The following BRINP1 variants were observed in gnomAD, a reference collection of about 807,000 sequenced individuals.
The protein encoded by BRINP1 is BMP/retinoic acid-inducible neural-specific protein 1.
BRINP1 carries 17 observed loss-of-function variants against 72.9 expected under a neutral mutation model. The observed-to-expected ratio is 0.23, with a 90% CI of 0.16 to 0.35. BRINP1 has a LOEUF of 0.35. Ranked by LOEUF, BRINP1 falls within the 10% of genes least tolerant of loss-of-function variation. The probability of loss-of-function intolerance (pLI) is 1.00; values close to 1 mark genes in which losing one functional copy is unlikely to be tolerated. For synonymous variants in BRINP1, 418 were observed against 378.5 expected, an observed-to-expected ratio of 1.10 and a Z score of -1.21; for missense variants, 850 against 1,001.6, an observed-to-expected ratio of 0.85 and a Z score of 2.04.
intron 5 of BRINP1, among the ~76,000 whole-genome samples, chr9:119,229,918 C>CAG (rs751730015): frequency 1.3e-5 from 2 of 151,828 alleles, no homozygotes; most frequent in Admixed American, 6.6e-5. Context: ...TGTATTGTGC[C>CAG]AGAGAGAGAG....
chr9:119,233,692 T>C (rs945052649), intron 5 of BRINP1, among the ~76,000 whole-genome samples: 1 of 152,192 alleles, frequency 6.6e-6, no homozygotes, highest in Non-Finnish European at 1.5e-5. Context: ...ATGTGCAGCT[T>C]TTTGAATTTT....
At chr9:119,344,099 AGTCT>A (rs1459205019) in intron 1 of BRINP1, among the ~76,000 whole-genome samples, 4 of 152,122 alleles carry the variant, frequency 2.6e-5, no homozygotes, top group South Asian at 4.1e-4. Flanking sequence ...AGAGGAGCTC[AGTCT>A]GTTTCCCACT....
chr9:119,298,759 A>G (rs1409300568), intron 2 of BRINP1, among the ~76,000 whole-genome samples: 2 of 152,094 alleles, frequency 1.3e-5, no homozygotes, highest in South Asian at 2.1e-4. Flanking sequence ...AAAACATTCC[A>G]GTCTCTAACT....
At chr9:119,251,017 T>G (rs1157837366) in intron 2 of BRINP1, among the ~76,000 whole-genome samples, 1 of 152,216 alleles carries the variant, frequency 6.6e-6, no homozygotes, top group African/African-American at 2.4e-5. Context: ...GTCTGACCCC[T>G]GATTCACAGA....
intron 5 of BRINP1, among the ~76,000 whole-genome samples, chr9:119,230,761 C>CA (rs1314493853): frequency 6.6e-6 from 1 of 151,698 alleles, no homozygotes; most frequent in Non-Finnish European, 1.5e-5. Context: ...GATTTAAGAC[C>CA]AAGAAACCAG....
In BRINP1 at chr9:119,214,079, C is replaced by T. The variant is rs778004789; in HGVS notation, c.762G>A (p.Gly254=). Residue 254 remains glycine, a synonymous_variant, in exon 6 of 8, where the codon GGG becomes GGA. Transcript: ENST00000265922. ...TGTTCTGGCACAGGTACTCCCCCTC[C>T]CCATTGCACATGATATAGCTCAAGG... The part of the protein sequence containing the change: ...QSALSYIMCN[G]EGEYLCQNSQ... The T allele has an allele frequency of 1.2e-6, 2 of 1,614,060 alleles. No homozygotes were observed. The highest frequency in any genetic ancestry group is 1.7e-5 in the Admixed American group (1 of 60,006).
chr9:119,235,413 C>T (rs1830184215), intron 5 of BRINP1, among the ~76,000 whole-genome samples: 1 of 152,060 alleles, frequency 6.6e-6, no homozygotes, highest in African/African-American at 2.4e-5. Context: ...TCTATCCATG[C>T]CTCTGTCCTC....
At chr9:119,177,357 C>CCCA (rs995917692) in intron 7 of BRINP1, among the ~76,000 whole-genome samples, 7 of 152,116 alleles carry the variant, frequency 4.6e-5, no homozygotes, top group African/African-American at 1.7e-4. Flanking sequence ...CTATGTGGCT[C>CCCA]CCACCTCCCA....
intron 2 of BRINP1, among the ~76,000 whole-genome samples, chr9:119,269,911 A>C (rs1830591184): frequency 2.0e-5 from 3 of 152,188 alleles, no homozygotes; most frequent in African/African-American, 7.2e-5. Context: ...AGAAAGAGAT[A>C]AATAATAAAT....
chr9:119,293,991 A>T (rs1341832536), intron 2 of BRINP1, among the ~76,000 whole-genome samples: 1 of 152,212 alleles, frequency 6.6e-6, no homozygotes, highest in Non-Finnish European at 1.5e-5. Flanking sequence ...TTTGCAGATG[A>T]TATGATGATC....
At position 119,167,726 on chromosome 9, in the gene BRINP1, G is replaced by T; in HGVS notation, c.1644C>A (p.Ile548=). 1 of 1,614,166 alleles carries T rather than the reference G, an allele frequency of 6.2e-7. No individual in the cohort carries two copies. Among genetic ancestry groups the T allele is most frequent in the South Asian group, 1.1e-5 (1 of 91,080 alleles). ...IHMVIGMSMR[I]CQMRNSSLDP... Reference sequence around the variant, plus strand: ...CCAGGCTGCTGTTGCGCATCTGGCAGATGCGCATGGACATGCCGATCACCA... The same window carrying T: ...CCAGGCTGCTGTTGCGCATCTGGCATATGCGCATGGACATGCCGATCACCA... The change falls in exon 8 of 8, where the codon ATC becomes ATA. Residue 548 remains isoleucine (I), a synonymous_variant. Coordinates refer to ENST00000265922, the MANE Select transcript of BRINP1 (RefSeq NM_014618.3). The surrounding 1 kb of genome is among the most constrained non-coding windows in gnomAD (Gnocchi z 4.3).
At chr9:119,187,052 C>G (rs1199691420) in intron 7 of BRINP1, among the ~76,000 whole-genome samples, 1 of 152,014 alleles carries the variant, frequency 6.6e-6, no homozygotes, top group East Asian at 1.9e-4. Context: ...TCCTGACACC[C>G]AGGATCAGAG....
Position 119,250,978 on chromosome 9 carries a change from G to A in BRINP1, c.219-1828C>T, listed in dbSNP as rs529686129. Among the ~76,000 whole-genome samples the A allele has an allele frequency of 1.4e-3, 214 of 152,304 alleles. 1 individual carries two copies. Among genetic ancestry groups the A allele is most frequent in the African/African-American group, 4.9e-3 (202 of 41,556 alleles). On this transcript the variant is annotated intron_variant, in intron 2 of 7. Coordinates refer to ENST00000265922, the MANE Select transcript of BRINP1 (RefSeq NM_014618.3). ...AGCAGAACAGTGGGGGTATCTGGCC[G>A]GAATGTGCCCTGGTAATTTAGTGGT...
intron 7 of BRINP1, among the ~76,000 whole-genome samples, chr9:119,173,468 C>T (rs1829443146): frequency 6.6e-6 from 1 of 151,678 alleles, no homozygotes; most frequent in South Asian, 2.1e-4. Context: ...AACCACTGCT[C>T]AATGAAATAA....
At chr9:119,271,524 G>A (rs1049310481) in intron 2 of BRINP1, among the ~76,000 whole-genome samples, 8 of 151,930 alleles carry the variant, frequency 5.3e-5, no homozygotes, top group African/African-American at 1.9e-4. Context: ...ATAGGAGAAT[G>A]TATTATTTAT....
chr9:119,288,167 C>G (rs898262312), intron 2 of BRINP1, among the ~76,000 whole-genome samples: 1 of 152,144 alleles, frequency 6.6e-6, no homozygotes, highest in South Asian at 2.1e-4. Context: ...GGATTCCTTC[C>G]CATTGTCCTT....
chr9:119,304,489 G>T (rs1830974585), intron 2 of BRINP1, among the ~76,000 whole-genome samples: 2 of 152,226 alleles, frequency 1.3e-5, no homozygotes, highest in Admixed American at 6.5e-5. Context: ...CTCCAAGCCA[G>T]TCTGGGAATC....
chr9:119,188,421 A>T (rs945021981), intron 7 of BRINP1, among the ~76,000 whole-genome samples: 1 of 152,218 alleles, frequency 6.6e-6, no homozygotes. Context: ...AGTCTTTCCC[A>T]GACAAAGAAA....
intron 2 of BRINP1, among the ~76,000 whole-genome samples, chr9:119,291,047 TG>T (rs1830816680): frequency 6.8e-6 from 1 of 147,258 alleles, no homozygotes; most frequent in South Asian, 2.1e-4. Context: ...CGCTTGAACC[TG>T]GGAGGCAGAG....
Sources: allele counts gnomAD v4.1 joint callset (sites outside exome capture counted in the v4.1 genomes callset), GRCh38; gene constraint gnomAD v4.1.1; non-coding constraint Gnocchi (gnomAD v3.1); transcripts MANE v1.5; gene names NCBI Gene and HGNC (gene_info 2026-07-23, HGNC 2026-07-21).